Variants in CLASP2 observed in about 807,000 individuals in gnomAD.
CLASP2 encodes the protein CLIP-associating protein 2.
In CLASP2, 47 loss-of-function variants were observed where a neutral mutation model predicts 194.4. That is an observed-to-expected ratio of 0.24 (90% confidence interval 0.19 to 0.31). The LOEUF is 0.31. Among genes scored for constraint, CLASP2 ranks in the 10% least tolerant of loss-of-function variants. The pLI is 1.00. For synonymous variants in CLASP2, 619 were observed against 633.5 expected, an observed-to-expected ratio of 0.98 and a Z score of 0.34; for missense variants, 1,445 against 1,823.6, an observed-to-expected ratio of 0.79 and a Z score of 3.78.
chr3:33,590,791 T>C (rs2068595979), intron 21 of CLASP2, among the ~76,000 whole-genome samples: 1 of 152,160 alleles, frequency 6.6e-6, no homozygotes, highest in African/African-American at 2.4e-5. Context: ...GATTTCAAAA[T>C]TCAGGAATCA....
At chr3:33,516,656 G>A (rs2051401812) in intron 35 of CLASP2, among the ~76,000 whole-genome samples, 1 of 151,888 alleles carries the variant, frequency 6.6e-6, no homozygotes, top group Non-Finnish European at 1.5e-5. Context: ...TTGAGAATGA[G>A]TGAGATTATT....
rs1375921304 is a variant in CLASP2, at chr3:33,597,605, G to A, written c.1925-871C>T. Among the ~76,000 whole-genome samples the A allele has an allele frequency of 1.3e-5, 2 of 152,048 alleles. 1 individual carries two copies. ...GATTCTGGTAATTGTGGCTGGTTGTGCAAGCAGAGTGCCTTATGTGCCTAA... is the reference window on the plus strand; with the variant it reads ...GATTCTGGTAATTGTGGCTGGTTGTACAAGCAGAGTGCCTTATGTGCCTAA... On this transcript the variant is annotated intron_variant, in intron 18 of 38. Coordinates refer to ENST00000682230, the MANE Select transcript of CLASP2 (RefSeq NM_001365631.1).
chr3:33,718,030 T>C lies in CLASP2; in HGVS notation c.-28A>G, dbSNP rs2093376485. The stretch of plus-strand genomic sequence containing the variant: ...CTGCGGCCGCCCGCCCGCCTGCCAG[T>C]CTGTGAGCGGCCAACTTTCGCCGAG... On this transcript the variant is annotated 5_prime_UTR_variant, in exon 1 of 39. Transcript: ENST00000682230. 6.9e-7 allele frequency: 1 copy of C among 1,454,530 alleles called. No individual in the cohort carries two copies. Among genetic ancestry groups the C allele is most frequent in the East Asian group, 2.6e-5 (1 of 38,602 alleles). 90.1% of individuals were successfully genotyped at this position (1,454,530 alleles called of 1,614,324 possible).
intron 37 of CLASP2, 104 bp from the exon 38 acceptor site, chr3:33,501,872 A>G (rs912135313): frequency 1.3e-6 from 1 of 745,938 alleles, no homozygotes; most frequent in Non-Finnish European, 2.3e-6. Flanking sequence ...TCTCGAGCAT[A>G]CTAAGGAGAG....
chr3:33,595,038 T>C (rs962553230), intron 19 of CLASP2, 70 bp from the exon 20 acceptor site: 26 of 923,462 alleles, frequency 2.8e-5, no homozygotes, highest in Non-Finnish European at 4.0e-5. Flanking sequence ...TACCTCACAG[T>C]CCCCACCCAA....
intron 6 of CLASP2, among the ~76,000 whole-genome samples, chr3:33,681,963 T>C (rs939209120): frequency 1.3e-5 from 2 of 152,242 alleles, no homozygotes; most frequent in Non-Finnish European, 2.9e-5. Context: ...TCTTGTTCTC[T>C]AGCTTCCTCT....
intron 3 of CLASP2, among the ~76,000 whole-genome samples, 195 bp from the exon 4 acceptor site, chr3:33,688,563 A>G (rs767211137): frequency 4.6e-5 from 7 of 152,180 alleles, no homozygotes; most frequent in Non-Finnish European, 1.0e-4. Context: ...TTATTACCTT[A>G]ATCACATTTT....
intron 33 of CLASP2, among the ~76,000 whole-genome samples, chr3:33,536,923 C>T (rs143991038): frequency 6.6e-6 from 1 of 152,170 alleles, no homozygotes; most frequent in Non-Finnish European, 1.5e-5. Flanking sequence ...GAAAGAGCAG[C>T]TTTAGGGGAG....
At chr3:33,632,739 G>A (rs183763566) in intron 8 of CLASP2, among the ~76,000 whole-genome samples, 193 of 152,304 alleles carry the variant, frequency 1.3e-3, no homozygotes, top group Non-Finnish European at 2.4e-3. Context: ...ATAGTGTGAT[G>A]CAGAAAATCT....
chr3:33,603,159 T>C (rs765543569), intron 17 of CLASP2, 34 bp from the exon 18 acceptor site: 4 of 1,497,510 alleles, frequency 2.7e-6, no homozygotes, highest in Non-Finnish European at 3.6e-6. Flanking sequence ...ACTTATATCA[T>C]TTAAATCACT....
rs1436710224 is a variant in CLASP2 at position 33,506,377 on chromosome 3, CGAAAAA to C, written c.4317+4175_4317+4180del. Among the ~76,000 whole-genome samples, 16 of 61,884 alleles carry C rather than the reference CGAAAAA, an allele frequency of 2.6e-4. 1 individual carries two copies. Among genetic ancestry groups the C allele is most frequent in the African/African-American group, 8.6e-4 (15 of 17,510 alleles). The allele number at this position is 61,884 out of a possible 152,430, so 40.6% of individuals were successfully genotyped here. On this transcript the variant is annotated intron_variant, in intron 37 of 38. Coordinates refer to ENST00000682230, the MANE Select transcript of CLASP2 (RefSeq NM_001365631.1). ...TGGGTGACAGAGTGAGACTCTGTCT[CGAAAAA>C]AAAAAAAAAAAAAAAAAAAAAAAGA...
chr3:33,544,082 A>G (rs2154147823), intron 31 of CLASP2, among the ~76,000 whole-genome samples: 1 of 152,238 alleles, frequency 6.6e-6, no homozygotes, highest in East Asian at 1.9e-4. Flanking sequence ...TTGCCATTAA[A>G]TGTCTTTCTT....
chr3:33,518,134 G>T (rs977499593), intron 34 of CLASP2, among the ~76,000 whole-genome samples: 25 of 152,178 alleles, frequency 1.6e-4, no homozygotes, highest in Non-Finnish European at 3.2e-4. Flanking sequence ...AGAAAAAGCA[G>T]AACAGATTCT....
chr3:33,565,685 G>A (rs1190373866), intron 27 of CLASP2, among the ~76,000 whole-genome samples: 2 of 151,936 alleles, frequency 1.3e-5, no homozygotes, highest in East Asian at 3.9e-4. Context: ...GGTGGCACAT[G>A]CCTGTAATCC....
intron 30 of CLASP2, 60 bp from the exon 31 acceptor site, chr3:33,544,901 T>C (rs2058911031): frequency 7.8e-7 from 1 of 1,287,578 alleles, no homozygotes; most frequent in South Asian, 1.8e-5. Flanking sequence ...AAGACCGTTT[T>C]CTTCCCCTAC....
Position 33,545,502 on chromosome 3 carries a change from A to G in CLASP2, c.3154-661T>C, listed in dbSNP as rs2059016222. On this transcript the variant is annotated intron_variant, in intron 30 of 38. Transcript: ENST00000682230. ...CACCTGAATATACAACACTAGGGGG[A>G]ATGGTTAAATTATGTTACTTTGGAA... Among the ~76,000 whole-genome samples, 4 of 152,134 alleles carry G rather than the reference A, an allele frequency of 2.6e-5. No homozygotes were observed. In the South Asian group the frequency reaches 8.3e-4, roughly 31 times the overall value.
intron 38 of CLASP2, among the ~76,000 whole-genome samples, chr3:33,501,318 A>G (rs529690076): frequency 2.6e-5 from 4 of 152,302 alleles, no homozygotes; most frequent in African/African-American, 9.6e-5. Context: ...CAGTCTATTT[A>G]TTCTTAATAA....
At chr3:33,641,795 T>A (rs1368336654) in intron 8 of CLASP2, among the ~76,000 whole-genome samples, 1 of 4,694 alleles carries the variant, frequency 2.1e-4, no homozygotes, top group African/African-American at 9.3e-4. Context: ...AAAAGAGATT[T>A]GTCAAACCCA....
chr3:33,571,792 G>T (rs1386582418), intron 25 of CLASP2, among the ~76,000 whole-genome samples: 2 of 152,100 alleles, frequency 1.3e-5, no homozygotes, highest in African/African-American at 2.4e-5. Flanking sequence ...GACAAAGCGA[G>T]ATCTCATCTC....
Sources: allele counts gnomAD v4.1 joint callset (sites outside exome capture counted in the v4.1 genomes callset), GRCh38; gene constraint gnomAD v4.1.1; transcripts MANE v1.5; gene names NCBI Gene and HGNC (gene_info 2026-07-23, HGNC 2026-07-21).